REDIC1: variants seen among roughly 807,000 people sequenced by gnomAD.
REDIC1 encodes the protein HEI10 Interacting Protein 1.
chr12:39,836,282 A>G, the REDIC1 span, among the ~76,000 whole-genome samples: 1 of 152,146 alleles, frequency 6.6e-6, no homozygotes, highest in Admixed American at 6.6e-5. Context: ...AACTGAATGC[A>G]GATATATTAG....
the REDIC1 span, among the ~76,000 whole-genome samples, chr12:39,749,752 G>A: frequency 6.6e-6 from 1 of 152,194 alleles, no homozygotes; most frequent in Admixed American, 6.5e-5. Context: ...GGGATGCAAG[G>A]CTGGTTCAAC....
the REDIC1 span, among the ~76,000 whole-genome samples, chr12:39,847,793 T>C: frequency 6.6e-6 from 1 of 152,176 alleles, no homozygotes; most frequent in Non-Finnish European, 1.5e-5. Context: ...GTGGTACAAG[T>C]ATTTTTTTCA....
chr12:39,678,822 A>G, the REDIC1 span, among the ~76,000 whole-genome samples: 1 of 152,166 alleles, frequency 6.6e-6, no homozygotes, highest in African/African-American at 2.4e-5. Context: ...ATCATACACT[A>G]CATAAACAGA....
chr12:39,801,088 G>A, the REDIC1 span, among the ~76,000 whole-genome samples: 5 of 46,624 alleles, frequency 1.1e-4, no homozygotes, highest in African/African-American at 4.4e-4. Context: ...ACACTCTGGG[G>A]ACTGTGGTGG....
chr12:39,645,922 A>C, the REDIC1 span, among the ~76,000 whole-genome samples: 2 of 152,030 alleles, frequency 1.3e-5, no homozygotes, highest in African/African-American at 4.8e-5. Flanking sequence ...TTTTATAAGA[A>C]GATATAAAAT....
the REDIC1 span, among the ~76,000 whole-genome samples, chr12:39,710,884 T>C: frequency 6.6e-6 from 1 of 151,690 alleles, no homozygotes; most frequent in Non-Finnish European, 1.5e-5. Context: ...TGTTTTTTTT[T>C]CAGTATTCTT....
the REDIC1 span, among the ~76,000 whole-genome samples, chr12:39,653,538 T>TCTTCTTC: frequency 0.031 from 2,064 of 66,824 alleles, 206 homozygotes; most frequent in Non-Finnish European, 0.052. Context: ...TTCTTCTTCT[T>TCTTCTTC]TTTCTTCTTC....
chr12:39,768,858 C>CA, the REDIC1 span, among the ~76,000 whole-genome samples: 1 of 152,122 alleles, frequency 6.6e-6, no homozygotes, highest in Admixed American at 6.6e-5. Flanking sequence ...TGGCTTGATG[C>CA]AGGGCTGCCA....
chr12:39,662,151 A>G, the REDIC1 span, among the ~76,000 whole-genome samples: 9 of 152,000 alleles, frequency 5.9e-5, no homozygotes, highest in Non-Finnish European at 1.3e-4. Flanking sequence ...GTTCCATACA[A>G]ATTTTAGGAT....
chr12:39,716,317 T>C, the REDIC1 span, among the ~76,000 whole-genome samples: 6 of 152,100 alleles, frequency 3.9e-5, no homozygotes, highest in African/African-American at 1.4e-4. Flanking sequence ...CTGGATGCTT[T>C]GAATAGGTTT....
the REDIC1 span, chr12:39,755,667 T>G: frequency 6.6e-6 from 1 of 152,080 alleles, no homozygotes; most frequent in Non-Finnish European, 1.5e-5. Flanking sequence ...CTTTTTCTCA[T>G]TTATGCTGAC....
the REDIC1 span, among the ~76,000 whole-genome samples, chr12:39,699,207 G>A: frequency 6.6e-6 from 1 of 152,206 alleles, no homozygotes; most frequent in African/African-American, 2.4e-5. Flanking sequence ...TCTCACTAGG[G>A]AGTGCCAGAC....
At chr12:39,656,643 A>G in the REDIC1 span, among the ~76,000 whole-genome samples, 2 of 152,212 alleles carry the variant, frequency 1.3e-5, no homozygotes, top group Non-Finnish European at 2.9e-5. Flanking sequence ...AGAAGAAGGC[A>G]TTGTTATCAT....
chr12:39,675,040 T>C, the REDIC1 span, among the ~76,000 whole-genome samples: 1 of 152,130 alleles, frequency 6.6e-6, no homozygotes, highest in Non-Finnish European at 1.5e-5. Flanking sequence ...GGGCAAGATC[T>C]CAGCACTGTG....
At chr12:39,865,330 A>G in the REDIC1 span, among the ~76,000 whole-genome samples, 1 of 152,248 alleles carries the variant, frequency 6.6e-6, no homozygotes, top group Non-Finnish European at 1.5e-5. Context: ...TAAGACTTAA[A>G]TTGGTAAACC....
chr12:39,643,781 A>G, the REDIC1 span: 4 of 1,522,248 alleles, frequency 2.6e-6, no homozygotes, highest in Middle Eastern at 1.8e-4. Flanking sequence ...TATTTTAGGA[A>G]TATTTTGAAA....
the REDIC1 span, among the ~76,000 whole-genome samples, chr12:39,659,709 C>T: frequency 7.2e-5 from 11 of 151,826 alleles, no homozygotes; most frequent in South Asian, 2.1e-4. Flanking sequence ...TACTTGTCTA[C>T]GAATTCCATT....
the REDIC1 span, among the ~76,000 whole-genome samples, chr12:39,651,514 A>C: frequency 6.6e-6 from 1 of 152,186 alleles, no homozygotes; most frequent in African/African-American, 2.4e-5. Flanking sequence ...CTAAAGCCAA[A>C]ATAAAAGTTG....
chr12:39,667,952 A>G, the REDIC1 span, among the ~76,000 whole-genome samples: 2 of 152,106 alleles, frequency 1.3e-5, no homozygotes, highest in South Asian at 2.1e-4. Context: ...TTTTGGGCCT[A>G]TGTGTGTCTC....
Sources: gnomAD v4.1 joint callset for allele counts (sites outside exome capture counted in the v4.1 genomes callset) on GRCh38, gnomAD v4.1.1 for gene constraint, MANE v1.5 for transcripts, NCBI Gene and HGNC (gene_info 2026-07-23, HGNC 2026-07-21) for gene names.